The following DPP6 variants were observed in gnomAD, a reference collection of about 807,000 sequenced individuals.
The protein encoded by DPP6 is A-type potassium channel modulatory protein DPP6.
Under a neutral mutation model 122.6 loss-of-function variants are expected in DPP6, and 69 were observed. The observed-to-expected ratio is 0.56, with a 90% CI of 0.46 to 0.69. The LOEUF (loss-of-function observed/expected upper bound fraction) is 0.69, where lower values mean the gene tolerates loss of function less well. DPP6 is among the 30% of genes least tolerant of loss of function. The probability of loss-of-function intolerance (pLI) is 0.00; values close to 1 mark genes in which losing one functional copy is unlikely to be tolerated. For synonymous variants in DPP6, 418 were observed against 433.1 expected (o/e 0.97, Z 0.43); for missense variants, 928 against 1,116.9 (o/e 0.83, Z 2.41).
chr7:154,439,623 T>C (rs771250896), intron 1 of DPP6, among the ~76,000 whole-genome samples: 4 of 152,216 alleles, frequency 2.6e-5, no homozygotes, highest in Non-Finnish European at 4.4e-5. Flanking sequence ...ATGTTGGAAT[T>C]TGCAGGTAAA....
At position 154,865,952 on chromosome 7, in the gene DPP6, C is replaced by A. The variant is rs180918414; in HGVS notation, c.1715-2043C>A. 4.7e-4 allele frequency among the ~76,000 whole-genome samples: 72 copies of A among 152,288 alleles called. No homozygotes were observed. In the East Asian group the frequency reaches 0.012, roughly 25 times the overall value. Reference sequence around the variant, plus strand: ...ATTTCGTCTCTGGGATAGGACTGAACACTGATACCTTGGCGAGGGGTAGGG... The same window carrying A: ...ATTTCGTCTCTGGGATAGGACTGAAAACTGATACCTTGGCGAGGGGTAGGG... On this transcript the variant is annotated intron_variant, in intron 17 of 25. Coordinates refer to ENST00000377770, the MANE Select transcript of DPP6 (RefSeq NM_130797.4).
chr7:154,234,254 G>C (rs1182593076), intron 1 of DPP6, among the ~76,000 whole-genome samples: 1 of 152,176 alleles, frequency 6.6e-6, no homozygotes, highest in Admixed American at 6.5e-5. Context: ...TTGCCCACTG[G>C]TTGTATAAGA....
intron 5 of DPP6, chr7:154,587,413 G>C: frequency 1.7e-6 from 1 of 582,716 alleles, no homozygotes. Context: ...CAATGCTGCC[G>C]CTTTCCACCT....
intron 8 of DPP6, among the ~76,000 whole-genome samples, chr7:154,768,298 G>A (rs1796034314): frequency 6.6e-6 from 1 of 152,234 alleles, no homozygotes; most frequent in South Asian, 2.1e-4. Context: ...TGGGCAGTCA[G>A]CCCTTGGCTT....
chr7:154,153,585 ACCTGCAGGTCCAC>A (rs1204442768), intron 1 of DPP6, among the ~76,000 whole-genome samples: 3 of 152,164 alleles, frequency 2.0e-5, no homozygotes, highest in Non-Finnish European at 4.4e-5. Context: ...CAGCCAATAC[ACCTGCAGGTCCAC>A]CCTCTGCTGG....
rs374534376 is a variant in DPP6, at chr7:153,959,799, C to T, written c.51+72065C>T. ...ATCATTCATGTGTTCACTGGAGTAG[C>T]ACTTTTAATTTCCTTCAAGAACTTT... On this transcript the variant is annotated intron_variant, in intron 1 of 25. Coordinates refer to the DPP6 transcript ENST00000404039. Among the ~76,000 whole-genome samples, 9 of 152,240 alleles carry T rather than the reference C, an allele frequency of 5.9e-5. No individual in the cohort carries two copies. The East Asian group carries it at 7.7e-4, about 13-fold the overall frequency.
At chr7:154,305,170 C>G (rs1806209333) in intron 1 of DPP6, 1 of 927,130 alleles carries the variant, frequency 1.1e-6, no homozygotes, top group Admixed American at 5.7e-5. Context: ...CTCGGGTCCC[C>G]TTCCTGCACC....
At chr7:154,696,368 C>G (rs1370953078) in intron 7 of DPP6, among the ~76,000 whole-genome samples, 1 of 152,170 alleles carries the variant, frequency 6.6e-6, no homozygotes, top group Non-Finnish European at 1.5e-5. Flanking sequence ...GTGAGTTCAG[C>G]CCTGGTCTGC....
At chr7:154,140,182 G>T (rs573138662) in intron 1 of DPP6, among the ~76,000 whole-genome samples, 1 of 152,288 alleles carries the variant, frequency 6.6e-6, no homozygotes, top group Admixed American at 6.5e-5. Context: ...AAGCCTACAT[G>T]TATGCCTAAC....
intron 16 of DPP6, among the ~76,000 whole-genome samples, chr7:154,822,341 C>T (rs969778047): frequency 2.0e-5 from 3 of 152,184 alleles, no homozygotes; most frequent in African/African-American, 7.2e-5. Flanking sequence ...CTGGTGAGGG[C>T]GTGCTATCTC....
chr7:153,803,864 T>C, the DPP6 span, among the ~76,000 whole-genome samples: 421 of 149,840 alleles, frequency 2.8e-3, 2 homozygotes, highest in African/African-American at 9.0e-3. Context: ...CATATATATA[T>C]ACACACAAGG....
intron 1 of DPP6, among the ~76,000 whole-genome samples, chr7:154,277,944 T>A (rs1804247435): frequency 6.6e-6 from 1 of 152,152 alleles, no homozygotes; most frequent in African/African-American, 2.4e-5. Flanking sequence ...TTCCACATAT[T>A]CTGAGCCATG....
At chr7:154,714,313 T>C (rs1841358588) in intron 7 of DPP6, among the ~76,000 whole-genome samples, 1 of 152,204 alleles carries the variant, frequency 6.6e-6, no homozygotes, top group African/African-American at 2.4e-5. Flanking sequence ...AGTTCCAAAG[T>C]AGCTTCCACA....
At chr7:154,163,036 AC>A (rs1797059555) in intron 1 of DPP6, among the ~76,000 whole-genome samples, 1 of 152,100 alleles carries the variant, frequency 6.6e-6, no homozygotes, top group Admixed American at 6.5e-5. Context: ...ATTGAGTCAA[AC>A]TTGACACCTG....
chr7:154,568,586 C>T (rs1013377776), intron 5 of DPP6, among the ~76,000 whole-genome samples: 11 of 152,192 alleles, frequency 7.2e-5, no homozygotes, highest in Non-Finnish European at 1.5e-4. Context: ...CCACCACTTT[C>T]TTCGGCTTCC....
chr7:154,434,574 C>T (rs1818706169), intron 1 of DPP6, among the ~76,000 whole-genome samples: 1 of 152,178 alleles, frequency 6.6e-6, no homozygotes, highest in Admixed American at 6.5e-5. Context: ...TCCTTCTCTT[C>T]TCCCACCTTT....
chr7:154,333,622 A>G (rs183498245), intron 1 of DPP6, among the ~76,000 whole-genome samples: 1 of 152,200 alleles, frequency 6.6e-6, no homozygotes, highest in Non-Finnish European at 1.5e-5. Context: ...TGTAGAGAAT[A>G]TTGGTGAAGC....
rs1286259710 is a variant in DPP6 at position 154,320,486 on chromosome 7, TG to T, written c.244-125727del. 9.0e-3 allele frequency among the ~76,000 whole-genome samples: 1,366 copies of T among 151,774 alleles called. 28 individuals carry two copies. Among genetic ancestry groups the T allele is most frequent in the East Asian group, 0.065 (332 of 5,136 alleles). ...GCCAATTGTACTTTGTTTTTTTTTT[TG>T]TTGTTGTTTTTCTTGAGACAGAATT... is the stretch of plus-strand genomic sequence containing the variant. On this transcript the variant is annotated intron_variant, in intron 1 of 25. Coordinates refer to ENST00000377770, the MANE Select transcript of DPP6 (RefSeq NM_130797.4).
chr7:154,345,658 G>A (rs529579398), intron 1 of DPP6, among the ~76,000 whole-genome samples: 8 of 152,032 alleles, frequency 5.3e-5, no homozygotes, highest in African/African-American at 1.4e-4. Context: ...TCCTCCTTCC[G>A]CCCCACATTG....
Sources: gnomAD v4.1 joint callset for allele counts (sites outside exome capture counted in the v4.1 genomes callset) on GRCh38, gnomAD v4.1.1 for gene constraint, MANE v1.5 for transcripts, NCBI Gene and HGNC (gene_info 2026-07-23, HGNC 2026-07-21) for gene names.